The following VKORC1L1 variants were observed in gnomAD, a reference collection of about 807,000 sequenced individuals.
VKORC1L1 encodes vitamin K epoxide reductase complex subunit 1L1.
Under a neutral mutation model 18.9 loss-of-function variants are expected in VKORC1L1, and 2 were observed. The observed-to-expected ratio is 0.11, with a 90% CI of 0.04 to 0.33. VKORC1L1 has a LOEUF of 0.33. Ranked by LOEUF, VKORC1L1 falls within the 10% of genes least tolerant of loss-of-function variation. VKORC1L1 has a pLI of 1.00. For synonymous variants in VKORC1L1, 96 were observed against 100.0 expected (o/e 0.96, Z 0.24); for missense variants, 123 against 224.1 (o/e 0.55, Z 2.88).
rs565389634 is a variant in VKORC1L1, at chr7:65,957,835, A to T, written c.*3535A>T. The T allele has an allele frequency of 3.6e-4, 55 of 151,504 alleles. No individual in the cohort carries two copies. Among genetic ancestry groups the T allele is most frequent in the African/African-American group, 1.3e-3 (53 of 41,480 alleles). The allele number at this position is 151,504 out of a possible 1,614,324, so 9.4% of individuals were successfully genotyped here. On this transcript the variant is annotated 3_prime_UTR_variant, in exon 3 of 3. Coordinates refer to ENST00000360768, the MANE Select transcript of VKORC1L1 (RefSeq NM_173517.6). ...CAATGAGTGAAACTCTGTCTCAAATAAAAAAATAAAAATAAAAACTATTTG... is the reference window on the plus strand; with the variant it reads ...CAATGAGTGAAACTCTGTCTCAAATTAAAAAATAAAAATAAAAACTATTTG...
At chr7:65,896,195 C>T (rs1182405026) in intron 1 of VKORC1L1, among the ~76,000 whole-genome samples, 3 of 151,692 alleles carry the variant, frequency 2.0e-5, no homozygotes, top group Non-Finnish European at 2.9e-5. Flanking sequence ...TGAGCCACCG[C>T]GCCCAGCCAT....
At chr7:65,867,173 G>A in the VKORC1L1 span, among the ~76,000 whole-genome samples, 2 of 151,984 alleles carry the variant, frequency 1.3e-5, no homozygotes, top group South Asian at 4.2e-4. Context: ...GTGACAGAGG[G>A]AGACTCCATC....
intron 1 of VKORC1L1, among the ~76,000 whole-genome samples, chr7:65,898,928 T>C (rs1338778673): frequency 2.0e-5 from 3 of 152,218 alleles, no homozygotes; most frequent in Non-Finnish European, 4.4e-5. Context: ...TTTGCCCTTT[T>C]GTAACTGGTT....
At chr7:65,938,844 T>C (rs1319870209) in intron 1 of VKORC1L1, among the ~76,000 whole-genome samples, 2 of 151,998 alleles carry the variant, frequency 1.3e-5, no homozygotes, top group African/African-American at 4.8e-5. Context: ...TTCTGAACCA[T>C]GGGGAATGCT....
chr7:65,873,494 G>A lies in VKORC1L1; in HGVS notation c.123G>A (p.Glu41=). Residue 41 remains glutamate (E), a synonymous_variant, in exon 1 of 3, where the codon GAG becomes GAA. Coordinates refer to ENST00000360768, the MANE Select transcript of VKORC1L1 (RefSeq NM_173517.6). The part of the protein sequence containing the change: ...IYAYHVEREK[E]RDPEHRALCD... The stretch of plus-strand genomic sequence containing the variant: ...CCTACCACGTGGAGCGGGAGAAGGA[G>A]CGGGACCCCGAGCACCGGGCCCTCT... The A allele has an allele frequency of 6.3e-7, 1 of 1,595,108 alleles. No individual in the cohort carries two copies. The highest frequency in any genetic ancestry group is 8.5e-7 in the Non-Finnish European group (1 of 1,172,202).
intron 2 of VKORC1L1, among the ~76,000 whole-genome samples, chr7:65,951,319 T>G (rs57126451): frequency 2.0e-5 from 3 of 152,148 alleles, no homozygotes; most frequent in Middle Eastern, 3.2e-3. Context: ...CTCATGCCAA[T>G]AATTCCAGCA....
chr7:65,895,480 AATATATATATATATATATATAT>A (rs1162173957), intron 1 of VKORC1L1, among the ~76,000 whole-genome samples: 3 of 42,772 alleles, frequency 7.0e-5, no homozygotes, highest in African/African-American at 1.9e-4. Context: ...AAAAAAAAAA[AATATATATATATATATATATAT>A]ATATATATAT....
chr7:65,915,094 T>C (rs1432410873), intron 1 of VKORC1L1, among the ~76,000 whole-genome samples: 17 of 108,930 alleles, frequency 1.6e-4, no homozygotes, highest in Middle Eastern at 5.6e-3. Context: ...TTTTTTTTTC[T>C]TTTTTTTTTT....
chr7:65,888,179 C>T (rs752878186), intron 1 of VKORC1L1, among the ~76,000 whole-genome samples: 7 of 152,192 alleles, frequency 4.6e-5, no homozygotes, highest in Middle Eastern at 3.4e-3. Flanking sequence ...TCAGAGATCC[C>T]TGGAATATCA....
chr7:65,929,637 C>G (rs1583855280), intron 1 of VKORC1L1, among the ~76,000 whole-genome samples: 1 of 140,410 alleles, frequency 7.1e-6, no homozygotes, highest in African/African-American at 2.7e-5. Context: ...AAAAATGCTA[C>G]TGATATATAT....
chr7:65,947,209 T>G, intron 1 of VKORC1L1, among the ~76,000 whole-genome samples: 1 of 152,180 alleles, frequency 6.6e-6, no homozygotes, highest in East Asian at 1.9e-4. Context: ...TGGCTTTCAC[T>G]TGTTTGTAAA....
intron 1 of VKORC1L1, among the ~76,000 whole-genome samples, chr7:65,895,483 ATATATATATATATATATATAT>A (rs1789188992): frequency 3.7e-5 from 1 of 27,392 alleles, no homozygotes; most frequent in South Asian, 2.0e-3. Flanking sequence ...AAAAAAAAAT[ATATATATATATATATATATAT>A]ATATATATAT....
intron 1 of VKORC1L1, among the ~76,000 whole-genome samples, chr7:65,947,879 A>G (rs1429700811): frequency 6.6e-6 from 1 of 151,924 alleles, no homozygotes; most frequent in Admixed American, 6.6e-5. Context: ...TTGAGTAGAG[A>G]CGGGTTTCAC....
At chr7:65,882,370 A>T (rs1788942772) in intron 1 of VKORC1L1, among the ~76,000 whole-genome samples, 1 of 151,544 alleles carries the variant, frequency 6.6e-6, no homozygotes, top group Non-Finnish European at 1.5e-5. Flanking sequence ...CAAGAGTGAA[A>T]CTCCGTCTGA....
intron 1 of VKORC1L1, among the ~76,000 whole-genome samples, chr7:65,921,429 A>C (rs950493123): frequency 2.0e-5 from 3 of 152,138 alleles, no homozygotes; most frequent in African/African-American, 7.2e-5. Context: ...TGTGTCACCC[A>C]GGTTGGAGTG....
At chr7:65,909,944 C>G (rs1306390143) in intron 1 of VKORC1L1, among the ~76,000 whole-genome samples, 1 of 152,000 alleles carries the variant, frequency 6.6e-6, no homozygotes, top group East Asian at 1.9e-4. Context: ...TCTTGAACTC[C>G]TGACCTCGTG....
chr7:65,877,755 G>C (rs1459662414), intron 1 of VKORC1L1, among the ~76,000 whole-genome samples: 1 of 152,168 alleles, frequency 6.6e-6, no homozygotes, highest in Admixed American at 6.5e-5. Flanking sequence ...TAATAGGCTT[G>C]ACAAATCTAT....
At chr7:65,923,060 C>A (rs565025747) in intron 1 of VKORC1L1, among the ~76,000 whole-genome samples, 1 of 152,110 alleles carries the variant, frequency 6.6e-6, no homozygotes, top group Non-Finnish European at 1.5e-5. Flanking sequence ...GGAAAGGTAA[C>A]TGAGTTGGAG....
At chr7:65,914,967 C>G (rs945155321) in intron 1 of VKORC1L1, among the ~76,000 whole-genome samples, 1 of 152,128 alleles carries the variant, frequency 6.6e-6, no homozygotes, top group African/African-American at 2.4e-5. Flanking sequence ...GATTGTGCTA[C>G]TGCACTCCAG....
Sources: allele counts gnomAD v4.1 joint callset (sites outside exome capture counted in the v4.1 genomes callset), GRCh38; gene constraint gnomAD v4.1.1; transcripts MANE v1.5; gene names NCBI Gene and HGNC (gene_info 2026-07-23, HGNC 2026-07-21).